Variants in XKR4 observed in about 807,000 individuals in gnomAD.
The protein encoded by XKR4 is XK-related protein 4.
In XKR4, 12 loss-of-function variants were observed where a neutral mutation model predicts 53.9. That is an observed-to-expected ratio of 0.22 (90% confidence interval 0.14 to 0.36). The LOEUF (loss-of-function observed/expected upper bound fraction) is 0.36. XKR4 is among the 10% of genes least tolerant of loss of function. XKR4 has a pLI of 1.00. For synonymous variants in XKR4, 354 were observed against 362.4 expected, an observed-to-expected ratio of 0.98 and a Z score of 0.26; for missense variants, 799 against 859.5, an observed-to-expected ratio of 0.93 and a Z score of 0.88.
At chr8:55,463,585 C>A (rs974026409) in intron 2 of XKR4, among the ~76,000 whole-genome samples, 1 of 152,004 alleles carries the variant, frequency 6.6e-6, no homozygotes, top group Non-Finnish European at 1.5e-5. Flanking sequence ...CAAGAGCAAA[C>A]ACGTTCAAAA....
chr8:55,321,529 G>A (rs1803212269), intron 1 of XKR4, among the ~76,000 whole-genome samples: 1 of 152,164 alleles, frequency 6.6e-6, no homozygotes, highest in Non-Finnish European at 1.5e-5. Flanking sequence ...CTCTGGGACA[G>A]CATACTCTGT....
At chr8:55,463,424 C>A in intron 2 of XKR4, among the ~76,000 whole-genome samples, 1 of 150,840 alleles carries the variant, frequency 6.6e-6, no homozygotes, top group East Asian at 1.9e-4. Context: ...TCTTTGAAAC[C>A]AACGAGAACA....
intron 1 of XKR4, among the ~76,000 whole-genome samples, chr8:55,180,537 C>CT (rs201102553): frequency 0.015 from 2,320 of 151,740 alleles, 27 homozygotes; most frequent in Non-Finnish European, 0.026. Flanking sequence ...AATACGTATT[C>CT]TTTTTTTTTC....
At chr8:55,103,851 GTATATATA>G (rs60831330) in intron 1 of XKR4, among the ~76,000 whole-genome samples, 10,058 of 105,826 alleles carry the variant, frequency 0.095, 537 homozygotes, top group African/African-American at 0.11. Flanking sequence ...AAATGACTTT[GTATATATA>G]TATATATATA....
intron 2 of XKR4, among the ~76,000 whole-genome samples, chr8:55,505,686 T>C (rs564323057): frequency 8.5e-5 from 13 of 152,402 alleles, no homozygotes; most frequent in African/African-American, 3.1e-4. Flanking sequence ...ATACTTTCTA[T>C]AATTTCAGTC....
At chr8:55,264,112 A>G (rs1303381397) in intron 1 of XKR4, among the ~76,000 whole-genome samples, 1 of 152,132 alleles carries the variant, frequency 6.6e-6, no homozygotes, top group Non-Finnish European at 1.5e-5. Context: ...TTACTAGAAT[A>G]TGCTGGGCAT....
In XKR4 at chr8:55,429,018, C is replaced by G. The variant is rs569947520; in HGVS notation, c.1006+71141C>G. 1.3e-5 allele frequency among the ~76,000 whole-genome samples: 2 copies of G among 152,292 alleles called. 1 individual carries two copies. Among genetic ancestry groups the G allele is most frequent in the South Asian group, 4.1e-4 (2 of 4,826 alleles). On this transcript the variant is annotated intron_variant, in intron 2 of 2. Coordinates refer to ENST00000327381, the MANE Select transcript of XKR4 (RefSeq NM_052898.2). ...CTAGTAGGAATCAATTTCAATATAG[C>G]TACGTAATCAAGACCCTGTGGTATT...
intron 2 of XKR4, among the ~76,000 whole-genome samples, chr8:55,400,823 G>C (rs1376058409): frequency 2.0e-5 from 3 of 152,168 alleles, no homozygotes; most frequent in Non-Finnish European, 2.9e-5. Context: ...GTATTCATAA[G>C]ATTGCCTGCC....
intron 2 of XKR4, chr8:55,454,567 A>T: frequency 6.9e-7 from 1 of 1,442,038 alleles, no homozygotes; most frequent in South Asian, 1.2e-5. Flanking sequence ...GGAGTCGGCC[A>T]GTGGAGTCTG....
Position 55,532,635 on chromosome 8 carries a change from A to G in XKR4, c.*8408A>G, listed in dbSNP as rs1168421034. On this transcript the variant is annotated 3_prime_UTR_variant, in exon 3 of 3. Coordinates refer to ENST00000327381, the MANE Select transcript of XKR4 (RefSeq NM_052898.2). ...ACAGTGAAACCCCCATCTCTACTAA[A>G]ACTACAAAAAAATTAGCCAGGCATG... is the stretch of plus-strand genomic sequence containing the variant. 6.6e-6 allele frequency: 1 copy of G among 152,006 alleles called. No individual in the cohort carries two copies. Among genetic ancestry groups the G allele is most frequent in the East Asian group, 1.9e-4 (1 of 5,170 alleles). 9.4% of individuals were successfully genotyped at this position (152,006 alleles called of 1,614,324 possible).
intron 2 of XKR4, among the ~76,000 whole-genome samples, chr8:55,476,827 T>A (rs1405190802): frequency 2.0e-5 from 3 of 151,950 alleles, no homozygotes; most frequent in African/African-American, 7.3e-5. Flanking sequence ...AACTGCAAGA[T>A]GGTAGCGAGG....
intron 1 of XKR4, among the ~76,000 whole-genome samples, chr8:55,240,276 G>T (rs950518137): frequency 2.6e-5 from 4 of 152,068 alleles, no homozygotes; most frequent in Admixed American, 1.3e-4. Context: ...TAAAAACACA[G>T]ATCAAATACA....
chr8:55,369,131 G>T (rs1322571342), intron 2 of XKR4, among the ~76,000 whole-genome samples: 1 of 151,846 alleles, frequency 6.6e-6, no homozygotes, highest in Non-Finnish European at 1.5e-5. Context: ...GGAGTCCAAG[G>T]CAGGAGGATT....
chr8:55,471,405 G>A (rs1399900268), intron 2 of XKR4, among the ~76,000 whole-genome samples: 1 of 152,102 alleles, frequency 6.6e-6, no homozygotes, highest in Admixed American at 6.5e-5. Flanking sequence ...AGCAGCATCA[G>A]CACGGTGTGG....
At position 55,142,262 on chromosome 8, in the gene XKR4, A is replaced by G. The variant is rs1038397465; in HGVS notation, c.806+38968A>G. On this transcript the variant is annotated intron_variant, in intron 1 of 2. Coordinates refer to ENST00000327381, the MANE Select transcript of XKR4 (RefSeq NM_052898.2). ...GCTCTTAGACCTCTCCTCGTAGGAG[A>G]AGTTGCCATTCTCCTGGATAAGGAA... 4 of 448,220 alleles carry G rather than the reference A, an allele frequency of 8.9e-6. No individual in the cohort carries two copies. In the Admixed American group the frequency reaches 9.5e-5, roughly 11 times the overall value. 27.8% of individuals were successfully genotyped at this position (448,220 alleles called of 1,614,324 possible).
At chr8:55,323,742 T>C (rs1191621823) in intron 1 of XKR4, among the ~76,000 whole-genome samples, 1 of 152,226 alleles carries the variant, frequency 6.6e-6, no homozygotes, top group Non-Finnish European at 1.5e-5. Context: ...CTGTGGAACA[T>C]TGTTCTATGT....
chr8:55,343,751 A>G (rs1176230878), intron 1 of XKR4, among the ~76,000 whole-genome samples: 1 of 152,146 alleles, frequency 6.6e-6, no homozygotes, highest in Non-Finnish European at 1.5e-5. Context: ...TTTATTCTCC[A>G]TCTTTGCACA....
chr8:55,364,695 C>T (rs2622562), intron 2 of XKR4, among the ~76,000 whole-genome samples: 31,722 of 151,946 alleles, frequency 0.21, 3,549 homozygotes, highest in African/African-American at 0.29. Flanking sequence ...TGCAGTGGTG[C>T]GATCTTGGCT....
intron 1 of XKR4, among the ~76,000 whole-genome samples, chr8:55,264,641 A>T (rs1818573227): frequency 6.6e-6 from 1 of 152,258 alleles, no homozygotes; most frequent in African/African-American, 2.4e-5. Context: ...CTAAGAAATC[A>T]TGTAAAGGGA....
Sources: gnomAD v4.1 joint callset for allele counts (sites outside exome capture counted in the v4.1 genomes callset) on GRCh38, gnomAD v4.1.1 for gene constraint, MANE v1.5 for transcripts, NCBI Gene and HGNC (gene_info 2026-07-23, HGNC 2026-07-21) for gene names.